NR1I2: variants seen among roughly 807,000 people sequenced by gnomAD.
NR1I2 encodes orphan nuclear receptor PAR1.
NR1I2 carries 42 observed loss-of-function variants against 43.3 expected under a neutral mutation model. The observed-to-expected ratio is 0.97, with a 90% CI of 0.76 to 1.26. NR1I2 has a LOEUF of 1.26. NR1I2 is among the 50% of genes most tolerant of loss of function. NR1I2 has a pLI of 0.00. For missense variants in NR1I2, 559 were observed against 566.7 expected (o/e 0.99, Z 0.14); for synonymous variants, 229 against 215.0 (o/e 1.06, Z -0.57).
intron 1 of NR1I2, among the ~76,000 whole-genome samples, chr3:119,794,786 A>G (rs1383796868): frequency 3.9e-5 from 6 of 152,132 alleles, no homozygotes; most frequent in Non-Finnish European, 1.5e-5. Context: ...TGAAAATACA[A>G]AATTAATCTG....
At chr3:119,789,780 G>A (rs2054892210) in intron 1 of NR1I2, among the ~76,000 whole-genome samples, 1 of 152,130 alleles carries the variant, frequency 6.6e-6, no homozygotes, top group Admixed American at 6.5e-5. Context: ...CACAGGGCAG[G>A]ACTGAGGCAC....
chr3:119,800,745 G>A (rs541165853), intron 1 of NR1I2, among the ~76,000 whole-genome samples: 59 of 152,296 alleles, frequency 3.9e-4, no homozygotes, highest in Non-Finnish European at 4.9e-4. Flanking sequence ...TCTATAGCTG[G>A]AATTGAAATG....
chr3:119,806,334 G>A (rs1437846036), intron 1 of NR1I2, among the ~76,000 whole-genome samples: 1 of 152,144 alleles, frequency 6.6e-6, no homozygotes, highest in African/African-American at 2.4e-5. Context: ...ACCCAGGCTA[G>A]AGTGCTCTGG....
intron 1 of NR1I2, chr3:119,791,942 A>G: frequency 1.5e-6 from 1 of 672,340 alleles, no homozygotes; most frequent in South Asian, 1.5e-5. Context: ...TCTTTGACCG[A>G]TTCTGTGGAG....
chr3:119,814,861 A>G (rs2055295798), intron 5 of NR1I2, 118 bp from the exon 6 acceptor site: 1 of 1,274,908 alleles, frequency 7.8e-7, no homozygotes, highest in South Asian at 1.3e-5. Context: ...CCTCAGGGAA[A>G]GGAGCCATCC....
intron 1 of NR1I2, among the ~76,000 whole-genome samples, chr3:119,798,863 C>A (rs2055037733): frequency 6.6e-6 from 1 of 152,192 alleles, no homozygotes; most frequent in South Asian, 2.1e-4. Flanking sequence ...TAGCATCTAT[C>A]CTTCATTCTT....
intron 1 of NR1I2, among the ~76,000 whole-genome samples, chr3:119,804,507 C>T (rs1243597997): frequency 5.5e-5 from 8 of 144,234 alleles, no homozygotes; most frequent in African/African-American, 1.6e-4. Context: ...TGCAGTGGCG[C>T]GATTTCGGCT....
Position 119,817,383 on chromosome 3 carries a change from A to G in NR1I2, c.*171A>G. 1 of 1,489,442 alleles carries G rather than the reference A, an allele frequency of 6.7e-7. No homozygotes were observed. Among genetic ancestry groups the G allele is most frequent in the Non-Finnish European group, 8.9e-7 (1 of 1,121,410 alleles). 92.3% of individuals were successfully genotyped at this position (1,489,442 alleles called of 1,614,324 possible). The stretch of plus-strand genomic sequence containing the variant: ...CTGGCTAGCATTCCTCAGGAAGGAC[A>G]TGGGTGCCCCCCACCCCCAGTTCAG... On this transcript the variant is annotated 3_prime_UTR_variant, in exon 9 of 9. Transcript: ENST00000393716.
chr3:119,816,403 A>C (rs570504673), intron 8 of NR1I2, among the ~76,000 whole-genome samples: 2 of 152,066 alleles, frequency 1.3e-5, no homozygotes, highest in Admixed American at 1.3e-4. Context: ...GCAGCCCCTA[A>C]CCTCCACAAC....
At chr3:119,787,648 G>C (rs1433060911) in intron 1 of NR1I2, among the ~76,000 whole-genome samples, 1 of 131,220 alleles carries the variant, frequency 7.6e-6, no homozygotes, top group East Asian at 2.3e-4. Flanking sequence ...GGCCAGTTCT[G>C]CTATTAATAT....
chr3:119,807,337 C>T lies in NR1I2; in HGVS notation c.87C>T (p.Val29=). 6.2e-7 allele frequency: 1 copy of T among 1,614,232 alleles called. No homozygotes were observed. The highest frequency in any genetic ancestry group is 8.5e-7 in the Non-Finnish European group (1 of 1,180,022). ...AGTCTGTTCCTGGAAAGCCCAGTGT[C>T]AACGCAGATGAGGAAGTCGGAGGTC... is the stretch of plus-strand genomic sequence containing the variant. Residue 29 remains valine (V), a synonymous_variant, in exon 2 of 9, where the codon GTC becomes GTT. Transcript: ENST00000393716.
Position 119,807,282 on chromosome 3 carries a change from A to G in NR1I2, c.32A>G (p.His11Arg), listed in dbSNP as rs139729585. The G allele has an allele frequency of 6.2e-6, 10 of 1,614,118 alleles. No individual in the cohort carries two copies. The highest frequency in any genetic ancestry group is 4.0e-5 in the African/African-American group (3 of 74,946). The change falls in exon 2 of 9, where the codon CAT becomes CGT. Residue 11 changes from histidine (H) to arginine (R), a missense_variant. Physicochemically the swap from His to Arg is conservative, Grantham distance 29. Around this residue, in one of 3 missense-constraint regions of NR1I2, gnomAD observed 232 missense variants for 236.6 expected, o/e 0.98. Coordinates refer to ENST00000393716, the MANE Select transcript of NR1I2 (RefSeq NM_003889.4). ...GTGAGACCCAAAGAAAGCTGGAACCATGCTGACTTTGTACACTGTGAGGAC... is the reference window on the plus strand; with the variant it reads ...GTGAGACCCAAAGAAAGCTGGAACCGTGCTGACTTTGTACACTGTGAGGAC...
chr3:119,816,874 G>A (rs28365103), intron 8 of NR1I2, among the ~76,000 whole-genome samples, 194 bp from the exon 9 acceptor site: 139 of 151,968 alleles, frequency 9.1e-4, no homozygotes, highest in African/African-American at 3.2e-3. Context: ...GATGGGAGTG[G>A]GGAGAGTATT....
chr3:119,809,992 G>A, intron 2 of NR1I2, 69 bp from the exon 3 acceptor site: 2 of 1,601,842 alleles, frequency 1.2e-6, no homozygotes, highest in East Asian at 2.2e-5. Context: ...GAGGTGGTAT[G>A]GCCCGGAGCC....
chr3:119,798,935 G>T (rs887114347), intron 1 of NR1I2, among the ~76,000 whole-genome samples: 19 of 152,118 alleles, frequency 1.2e-4, no homozygotes, highest in African/African-American at 4.1e-4. Flanking sequence ...ACATTTTATT[G>T]ATCCACGAAC....
chr3:119,785,240 T>G (rs1326146017), intron 1 of NR1I2, among the ~76,000 whole-genome samples: 1 of 152,222 alleles, frequency 6.6e-6, no homozygotes, highest in Admixed American at 6.5e-5. Context: ...ATGTTCCTGA[T>G]TTCCATTTTT....
rs6793724 is a variant in NR1I2, at chr3:119,792,288, C to A, written c.-23+9988C>A. On this transcript the variant is annotated intron_variant, in intron 1 of 8. Coordinates refer to ENST00000393716, the MANE Select transcript of NR1I2 (RefSeq NM_003889.4). ...GCAGGTGAGCGACGACCTTATGGAG[C>A]GAGCAGCCACCTTTGGGCTCATCCT... 5.4e-6 allele frequency: 8 copies of A among 1,483,558 alleles called. No individual in the cohort carries two copies. In the South Asian group the frequency reaches 7.0e-5, roughly 13 times the overall value. 91.9% of individuals were successfully genotyped at this position (1,483,558 alleles called of 1,614,324 possible).
intron 1 of NR1I2, among the ~76,000 whole-genome samples, chr3:119,800,179 C>A (rs531882949): frequency 6.6e-6 from 1 of 152,080 alleles, no homozygotes; most frequent in Non-Finnish European, 1.5e-5. Flanking sequence ...GTGTATGGCA[C>A]GAGATAAGAG....
rs1277132645 is a variant in NR1I2, at chr3:119,817,577, A to C, written c.*365A>C. 6 of 1,186,984 alleles carry C rather than the reference A, an allele frequency of 5.1e-6. No homozygotes were observed. Among genetic ancestry groups the C allele is most frequent in the Non-Finnish European group, 5.3e-6 (5 of 944,622 alleles). The allele number at this position is 1,186,984 out of a possible 1,614,324, so 73.5% of individuals were successfully genotyped here. On this transcript the variant is annotated 3_prime_UTR_variant, in exon 9 of 9. Transcript: ENST00000393716. The stretch of plus-strand genomic sequence containing the variant: ...AGGTGTGGAAGGGACCAAGCGACCA[A>C]GGATGGGCCATCTGGGGTCTATGCC...
Sources: gnomAD v4.1 joint callset for allele counts (sites outside exome capture counted in the v4.1 genomes callset) on GRCh38, gnomAD v4.1.1 for gene constraint, gnomAD v4.1.1 regional missense constraint, MANE v1.5 for transcripts, NCBI Gene and HGNC (gene_info 2026-07-23, HGNC 2026-07-21) for gene names.